Variants in PCDHGA9 observed in about 807,000 individuals in gnomAD.
PCDHGA9 encodes protocadherin gamma-A9.
PCDHGA9 carries 37 observed loss-of-function variants against 62.5 expected under a neutral mutation model. That is an observed-to-expected ratio of 0.59 (90% confidence interval 0.46 to 0.78). The LOEUF (loss-of-function observed/expected upper bound fraction) is 0.78. Ranked by LOEUF, PCDHGA9 falls within the 30% of genes least tolerant of loss-of-function variation. PCDHGA9 has a pLI of 0.00. For synonymous variants in PCDHGA9, 459 were observed against 484.6 expected, an observed-to-expected ratio of 0.95 and a Z score of 0.69; for missense variants, 1,138 against 1,166.2, an observed-to-expected ratio of 0.98 and a Z score of 0.35.
chr5:141,500,182 A>ATTTT lies in PCDHGA9; in HGVS notation c.2484-5209_2484-5206dup, dbSNP rs1199992745. Among the ~76,000 whole-genome samples the ATTTT allele has an allele frequency of 1.7e-3, 223 of 131,716 alleles. 2 individuals are homozygous for ATTTT. Among genetic ancestry groups the ATTTT allele is most frequent in the African/African-American group, 6.2e-3 (201 of 32,350 alleles). The allele number at this position is 131,716 out of a possible 152,430, so 86.4% of individuals were successfully genotyped here. On this transcript the variant is annotated intron_variant, in intron 2 of 3. Transcript: ENST00000573521. ...AAGAACATGCATGAGCTTCATTTTT[A>ATTTT]TTTTTATTTATTTATTTATTTATTT...
intron 1 of PCDHGA9, among the ~76,000 whole-genome samples, chr5:141,482,800 G>A (rs10052648): frequency 7.6e-6 from 1 of 130,764 alleles, no homozygotes; most frequent in South Asian, 2.2e-4. Flanking sequence ...GGCCGGGTAC[G>A]GTGGCTCATG....
rs775132338 is a variant in PCDHGA9 at position 141,490,858 on chromosome 5, G to A, written c.2425-3949G>A. On this transcript the variant is annotated intron_variant, in intron 1 of 3. Coordinates refer to ENST00000573521, the MANE Select transcript of PCDHGA9 (RefSeq NM_018921.3). This position sits in a 1 kb window ranked among gnomAD's most constrained non-coding sequence, Gnocchi z 5.4. Reference sequence around the variant, plus strand: ...GATTGTGGTGGGGGTTCGAGACTCCGGCTCTCCCCCATTGCATGCCAACAC... The same window carrying A: ...GATTGTGGTGGGGGTTCGAGACTCCAGCTCTCCCCCATTGCATGCCAACAC... 14 of 1,613,704 alleles carry A rather than the reference G, an allele frequency of 8.7e-6. No homozygotes were observed. Among genetic ancestry groups the A allele is most frequent in the South Asian group, 2.2e-5 (2 of 91,068 alleles).
intron 1 of PCDHGA9, chr5:141,405,598 T>G: frequency 1.7e-6 from 1 of 577,840 alleles, no homozygotes; most frequent in South Asian, 2.2e-5. Context: ...GCCTCCCAAG[T>G]AGAATAACTG....
Position 141,423,504 on chromosome 5 carries a change from T to G in PCDHGA9, c.2424+18128T>G, listed in dbSNP as rs1448233226. ...TGCAAACCTATTCCCACGAGGTCTCTCTCATTGCGGACTCGCAGAAGAGTC... is the reference window on the plus strand; with the variant it reads ...TGCAAACCTATTCCCACGAGGTCTCGCTCATTGCGGACTCGCAGAAGAGTC... On this transcript the variant is annotated intron_variant, in intron 1 of 3. Transcript: ENST00000573521. The G allele has an allele frequency of 3.1e-6, 5 of 1,613,770 alleles. No individual in the cohort carries two copies. The Admixed American group carries it at 8.3e-5, about 27-fold the overall frequency.
Position 141,413,187 on chromosome 5 carries a change from A to G in PCDHGA9, c.2424+7811A>G, listed in dbSNP as rs778441437. The G allele has an allele frequency of 6.2e-6, 10 of 1,606,328 alleles. No individual in the cohort carries two copies. The African/African-American group carries it at 1.3e-4, about 22-fold the overall frequency. On this transcript the variant is annotated intron_variant, in intron 1 of 3. Transcript: ENST00000573521. Reference sequence around the variant, plus strand: ...GTAACCAGACTACAATGGCCGCTCAAAGGAATCGCTCAAAGGAATCAAAGG... The same window carrying G: ...GTAACCAGACTACAATGGCCGCTCAGAGGAATCGCTCAAAGGAATCAAAGG...
Position 141,487,390 on chromosome 5 carries a change from G to A in PCDHGA9, c.2425-7417G>A, listed in dbSNP as rs769886634. On this transcript the variant is annotated intron_variant, in intron 1 of 3. Coordinates refer to ENST00000573521, the MANE Select transcript of PCDHGA9 (RefSeq NM_018921.3). The surrounding 1 kb of genome is among the most constrained non-coding windows in gnomAD (Gnocchi z 5.0). The stretch of plus-strand genomic sequence containing the variant: ...GTGCCTGTCTCACCAGATCTCGAAG[G>A]AGGGAGGGGCTTCCCCCTTCCAATG... 1.2e-6 allele frequency: 2 copies of A among 1,614,182 alleles called. No homozygotes were observed. The highest frequency in any genetic ancestry group is 1.3e-5 in the African/African-American group (1 of 75,070).
Position 141,421,478 on chromosome 5 carries a change from G to A in PCDHGA9, c.2424+16102G>A, listed in dbSNP as rs763769838. The A allele has an allele frequency of 2.5e-6, 4 of 1,614,012 alleles. No individual in the cohort carries two copies. In the African/African-American group the frequency reaches 4.0e-5, roughly 16 times the overall value. On this transcript the variant is annotated intron_variant, in intron 1 of 3. Coordinates refer to ENST00000573521, the MANE Select transcript of PCDHGA9 (RefSeq NM_018921.3). ...TTCGCTGTGAATCCGCGAAGCGGCA[G>A]CTTGATCACGGCAGGCAGGATAGAC... is the stretch of plus-strand genomic sequence containing the variant.
At chr5:141,428,088 C>G (rs761980796) in intron 1 of PCDHGA9, 5 of 1,608,920 alleles carry the variant, frequency 3.1e-6, no homozygotes, top group Non-Finnish European at 4.2e-6. Context: ...CAACGCTTGG[C>G]TGTCCTACCA....
chr5:141,431,660 A>G lies in PCDHGA9; in HGVS notation c.2424+26284A>G. On this transcript the variant is annotated intron_variant, in intron 1 of 3. Transcript: ENST00000573521. This position sits in a 1 kb window ranked among gnomAD's most constrained non-coding sequence, Gnocchi z 4.8. ...CAAACTAGATTGTAATTCAGGGACA[A>G]TATCAACAATAGGGGAGTTGGACCA... 7 of 1,614,256 alleles carry G rather than the reference A, an allele frequency of 4.3e-6. No individual in the cohort carries two copies. The highest frequency in any genetic ancestry group is 5.1e-6 in the Non-Finnish European group (6 of 1,180,046).
At chr5:141,496,402 G>T (rs551923899) in intron 2 of PCDHGA9, among the ~76,000 whole-genome samples, 183 of 152,248 alleles carry the variant, frequency 1.2e-3, no homozygotes, top group African/African-American at 4.0e-3. Flanking sequence ...CCTCCTCAAT[G>T]GTTGAGTACT....
chr5:141,482,891 G>A (rs1594277958), intron 1 of PCDHGA9, among the ~76,000 whole-genome samples: 2 of 152,168 alleles, frequency 1.3e-5, no homozygotes, highest in East Asian at 3.8e-4. Flanking sequence ...GGCCAACATG[G>A]TGAAACCTCA....
At position 141,404,746 on chromosome 5, in the gene PCDHGA9, A is replaced by T. The variant is rs1219726027; in HGVS notation, c.1794A>T (p.Ser598=). ...AGGTGGTGGCAGTGGACAGAGACTC[A>T]GGCCAGAATGCTTGGCTCTCCTACC... ...VTKVVAVDRD[S]GQNAWLSYRL... is the part of the protein sequence containing the mutation. Residue 598 remains serine (S), a synonymous_variant, in exon 1 of 4, where the codon TCA becomes TCT. Transcript: ENST00000573521. 2 of 1,613,308 alleles carry T rather than the reference A, an allele frequency of 1.2e-6. No homozygotes were observed. Among genetic ancestry groups the T allele is most frequent in the Admixed American group, 3.3e-5 (2 of 59,866 alleles).
chr5:141,414,950 T>C (rs1017858929), intron 1 of PCDHGA9: 2 of 1,613,912 alleles, frequency 1.2e-6, no homozygotes, highest in African/African-American at 2.7e-5. Context: ...GGCTACCTGG[T>C]GACCAAGGTG....
intron 1 of PCDHGA9, among the ~76,000 whole-genome samples, chr5:141,407,707 G>C (rs894295431): frequency 1.3e-5 from 2 of 151,964 alleles, no homozygotes; most frequent in South Asian, 4.1e-4. Flanking sequence ...TTGAAGGTGG[G>C]GTGATGGCTA....
chr5:141,408,937 C>T (rs2095198483), intron 1 of PCDHGA9: 5 of 1,613,344 alleles, frequency 3.1e-6, no homozygotes, highest in African/African-American at 1.3e-5. Flanking sequence ...TCAGCAGAGA[C>T]GAATATAGAA....
At chr5:141,427,839 G>A (rs1276507135) in intron 1 of PCDHGA9, 3 of 1,547,192 alleles carry the variant, frequency 1.9e-6, no homozygotes, top group African/African-American at 2.7e-5. Context: ...GCGTGCCTTC[G>A]ACCACGAGCA....
rs747671382 is a variant in PCDHGA9 at position 141,444,152 on chromosome 5, A to ATTTTTTT, written c.2424+38806_2424+38812dup. On this transcript the variant is annotated intron_variant, in intron 1 of 3. Coordinates refer to ENST00000573521, the MANE Select transcript of PCDHGA9 (RefSeq NM_018921.3). ...GATATGTGTCACTTGTGTGTACTGG[A>ATTTTTTT]TTTTTTTTTTTTTTTTTTTTTTTTT... Among the ~76,000 whole-genome samples, 8 of 33,896 alleles carry ATTTTTTT rather than the reference A, an allele frequency of 2.4e-4. 2 individuals are homozygous for ATTTTTTT. The highest frequency in any genetic ancestry group is 2.1e-3 in the South Asian group (2 of 962). 22.2% of individuals were successfully genotyped at this position (33,896 alleles called of 152,430 possible).
At position 141,489,076 on chromosome 5, in the gene PCDHGA9, C is replaced by T. The variant is rs536134432; in HGVS notation, c.2425-5731C>T. The T allele has an allele frequency of 6.1e-6, 2 of 326,424 alleles. No individual in the cohort carries two copies. Among genetic ancestry groups the T allele is most frequent in the East Asian group, 5.8e-5 (1 of 17,220 alleles). 20.2% of individuals were successfully genotyped at this position (326,424 alleles called of 1,614,324 possible). On this transcript the variant is annotated intron_variant, in intron 1 of 3. Coordinates refer to ENST00000573521, the MANE Select transcript of PCDHGA9 (RefSeq NM_018921.3). The surrounding 1 kb of genome is among the most constrained non-coding windows in gnomAD (Gnocchi z 4.5). The stretch of plus-strand genomic sequence containing the variant: ...CAGCTCCCCTCCCCCCTGCCCACCC[C>T]CGCCACTCGGTGACTAAGAACTGCT...
intron 1 of PCDHGA9, chr5:141,409,917 C>G: frequency 6.2e-7 from 1 of 1,613,376 alleles, no homozygotes; most frequent in South Asian, 1.1e-5. Flanking sequence ...CCTGACGGCT[C>G]CGCGTTCTTC....
Sources: allele counts gnomAD v4.1 joint callset (sites outside exome capture counted in the v4.1 genomes callset), GRCh38; gene constraint gnomAD v4.1.1; non-coding constraint Gnocchi (gnomAD v3.1); transcripts MANE v1.5; gene names NCBI Gene and HGNC (gene_info 2026-07-23, HGNC 2026-07-21).